GPC5: variants seen among roughly 807,000 people sequenced by gnomAD.
GPC5 encodes glypican 5, also known as glypican-5.
Under a neutral mutation model 53.9 loss-of-function variants are expected in GPC5, and 47 were observed. That is an observed-to-expected ratio of 0.87 (90% confidence interval 0.69 to 1.11). The LOEUF (loss-of-function observed/expected upper bound fraction) is 1.11, where lower values mean the gene tolerates loss of function less well. GPC5 is among the 50% of genes most tolerant of loss of function. The probability of loss-of-function intolerance (pLI) is 0.00; values close to 1 mark genes in which losing one functional copy is unlikely to be tolerated. For synonymous variants in GPC5, 286 were observed against 263.3 expected, an observed-to-expected ratio of 1.09 and a Z score of -0.84; for missense variants, 748 against 713.1, an observed-to-expected ratio of 1.05 and a Z score of -0.56.
At chr13:92,762,198 C>T (rs1325990699) in intron 7 of GPC5, among the ~76,000 whole-genome samples, 4 of 151,632 alleles carry the variant, frequency 2.6e-5, no homozygotes, top group Non-Finnish European at 5.9e-5. Flanking sequence ...AAAAATCAGT[C>T]AAAAATAATG....
intron 6 of GPC5, among the ~76,000 whole-genome samples, chr13:92,075,991 T>A (rs968996950): frequency 6.6e-6 from 1 of 152,212 alleles, no homozygotes; most frequent in Non-Finnish European, 1.5e-5. Context: ...TGAGAAAAAT[T>A]AATTTTAAAA....
At chr13:92,178,102 A>C (rs1308659906) in intron 7 of GPC5, among the ~76,000 whole-genome samples, 2 of 152,204 alleles carry the variant, frequency 1.3e-5, no homozygotes, top group Non-Finnish European at 2.9e-5. Flanking sequence ...GGCTCAATTT[A>C]TTCCGAAGGG....
intron 6 of GPC5, among the ~76,000 whole-genome samples, chr13:92,035,779 A>G (rs577343799): frequency 1.3e-5 from 2 of 150,930 alleles, no homozygotes; most frequent in South Asian, 2.1e-4. Flanking sequence ...AAAAAAAACA[A>G]TGTTCACCAA....
chr13:92,526,728 A>G (rs1881296264), intron 7 of GPC5, among the ~76,000 whole-genome samples: 1 of 151,900 alleles, frequency 6.6e-6, no homozygotes, highest in African/African-American at 2.4e-5. Context: ...ACTAGAGATA[A>G]TATTTATATT....
intron 6 of GPC5, among the ~76,000 whole-genome samples, chr13:92,035,540 C>A (rs1240410373): frequency 2.0e-5 from 3 of 152,046 alleles, no homozygotes; most frequent in Non-Finnish European, 2.9e-5. Context: ...TATTTCTCTG[C>A]CTTTACAGAA....
intron 7 of GPC5, among the ~76,000 whole-genome samples, chr13:92,684,582 T>A (rs1191400878): frequency 6.6e-6 from 1 of 152,172 alleles, no homozygotes; most frequent in African/African-American, 2.4e-5. Flanking sequence ...TCTCTTTTTT[T>A]ATATAGCACT....
intron 1 of GPC5, among the ~76,000 whole-genome samples, chr13:91,423,149 G>A (rs574431596): frequency 1.3e-4 from 20 of 152,274 alleles, no homozygotes; most frequent in South Asian, 1.0e-3. Flanking sequence ...TCTGTGAAAG[G>A]TAGGCTAAAT....
chr13:92,513,546 CTT>C lies in GPC5; in HGVS notation c.1562-352734_1562-352733del, dbSNP rs1880656086. ...ATTCTCTTTCCCTCCCTTTCTCTCC[CTT>C]TCCTTTCCTTTCCTTTCCTTTTTCC... On this transcript the variant is annotated intron_variant, in intron 7 of 7. Coordinates refer to ENST00000377067, the MANE Select transcript of GPC5 (RefSeq NM_004466.6). Among the ~76,000 whole-genome samples the C allele has an allele frequency of 1.9e-4, 5 of 26,528 alleles. No individual in the cohort carries two copies. In the South Asian group the frequency reaches 8.3e-3, roughly 44 times the overall value. The allele number at this position is 26,528 out of a possible 152,430, so 17.4% of individuals were successfully genotyped here. A position where few individuals can be genotyped will look rare whatever the true frequency, so the allele number is the denominator to read the frequency against.
At chr13:92,466,602 T>G (rs1028839890) in intron 7 of GPC5, among the ~76,000 whole-genome samples, 1 of 152,120 alleles carries the variant, frequency 6.6e-6, no homozygotes, top group African/African-American at 2.4e-5. Context: ...TATGGAAGCA[T>G]TAAAGTGTGC....
At chr13:92,751,324 A>AAAC (rs1555309378) in intron 7 of GPC5, among the ~76,000 whole-genome samples, 40 of 147,930 alleles carry the variant, frequency 2.7e-4, no homozygotes, top group Non-Finnish European at 4.1e-4. Flanking sequence ...AAAAAAAAAA[A>AAAC]AAAAAAAAAA....
chr13:91,419,461 T>C (rs1465293509), intron 1 of GPC5, among the ~76,000 whole-genome samples: 2 of 152,178 alleles, frequency 1.3e-5, no homozygotes, highest in Non-Finnish European at 2.9e-5. Flanking sequence ...GGTTTGCTAT[T>C]AGTTATTACA....
chr13:91,438,279 C>G (rs1361027640), intron 1 of GPC5, among the ~76,000 whole-genome samples: 7 of 152,072 alleles, frequency 4.6e-5, no homozygotes, highest in Non-Finnish European at 1.5e-5. Flanking sequence ...GTTTTTTCCC[C>G]ATCTTTGTGG....
intron 7 of GPC5, among the ~76,000 whole-genome samples, chr13:92,147,049 A>G (rs114238399): frequency 1.3e-5 from 2 of 152,098 alleles, no homozygotes; most frequent in African/African-American, 2.4e-5. Flanking sequence ...AGTAAGTACT[A>G]CTAAGTCATG....
At chr13:91,463,714 G>A (rs1266414877) in intron 2 of GPC5, among the ~76,000 whole-genome samples, 1 of 152,092 alleles carries the variant, frequency 6.6e-6, no homozygotes, top group Non-Finnish European at 1.5e-5. Context: ...AAACTGTGTT[G>A]AGAAATTGAA....
chr13:92,185,770 C>T (rs1377248738), intron 7 of GPC5, among the ~76,000 whole-genome samples: 1 of 152,044 alleles, frequency 6.6e-6, no homozygotes, highest in Non-Finnish European at 1.5e-5. Flanking sequence ...CCCTGTGTTG[C>T]AACCAAATTA....
intron 6 of GPC5, among the ~76,000 whole-genome samples, chr13:91,957,879 C>G (rs535589068): frequency 3.3e-5 from 5 of 150,674 alleles, no homozygotes; most frequent in African/African-American, 1.2e-4. Flanking sequence ...GCAAACATTA[C>G]GAAAAAAGGA....
chr13:92,422,504 A>C (rs1876618041), intron 7 of GPC5, among the ~76,000 whole-genome samples: 1 of 76,318 alleles, frequency 1.3e-5, no homozygotes, highest in African/African-American at 3.9e-5. Context: ...ACACACACAC[A>C]CACACACACA....
intron 7 of GPC5, among the ~76,000 whole-genome samples, chr13:92,205,530 A>G (rs769005973): frequency 6.6e-6 from 1 of 152,198 alleles, no homozygotes; most frequent in Non-Finnish European, 1.5e-5. Flanking sequence ...GTTACTTTCT[A>G]GAAAGCGGGA....
At chr13:91,521,387 A>T (rs1255441739) in intron 2 of GPC5, among the ~76,000 whole-genome samples, 2 of 152,226 alleles carry the variant, frequency 1.3e-5, no homozygotes, top group Non-Finnish European at 2.9e-5. Flanking sequence ...ATAGAAACAC[A>T]TGCCAAAGAA....
Sources: allele counts gnomAD v4.1 joint callset (sites outside exome capture counted in the v4.1 genomes callset), GRCh38; gene constraint gnomAD v4.1.1; transcripts MANE v1.5; gene names NCBI Gene and HGNC (gene_info 2026-07-23, HGNC 2026-07-21).